Variants in STAG1 observed in about 807,000 individuals in gnomAD.
STAG1 encodes cohesin subunit SA-1.
Under a neutral mutation model 170.9 loss-of-function variants are expected in STAG1, and 26 were observed. The observed-to-expected ratio is 0.15, with a 90% CI of 0.11 to 0.21. STAG1 has a LOEUF of 0.21. Ranked by LOEUF, STAG1 falls within the 10% of genes least tolerant of loss-of-function variation. STAG1 has a pLI of 1.00. For missense variants in STAG1, 964 were observed against 1,509.5 expected, an observed-to-expected ratio of 0.64 and a Z score of 5.99; for synonymous variants, 514 against 497.7, an observed-to-expected ratio of 1.03 and a Z score of -0.44.
chr3:136,401,567 T>C (rs1258107749), intron 21 of STAG1, among the ~76,000 whole-genome samples: 1 of 152,174 alleles, frequency 6.6e-6, no homozygotes, highest in Non-Finnish European at 1.5e-5. Context: ...TTCTATTACA[T>C]ATGGGTAGTG....
At chr3:136,498,210 T>TTATATATATATATATATATATATATA (rs374645920) in intron 9 of STAG1, among the ~76,000 whole-genome samples, 5 of 50,832 alleles carry the variant, frequency 9.8e-5, no homozygotes, top group Non-Finnish European at 1.2e-4. Context: ...AAAAAAAAAA[T>TTATATATATATATATATATATATATA]TATATATATA....
chr3:136,591,476 C>T (rs973644274), intron 4 of STAG1: 9 of 376,864 alleles, frequency 2.4e-5, no homozygotes, highest in Non-Finnish European at 4.2e-5. Context: ...AGGCTCAGGC[C>T]GGGGAGGATC....
At position 136,452,082 on chromosome 3, in the gene STAG1, G is replaced by A. The variant is rs937154623; in HGVS notation, c.1379C>T (p.Pro460Leu). Reference protein sequence around the residue: ...ALAKRRGRNSPNGNLIRMLVL... With the variant: ...ALAKRRGRNSLNGNLIRMLVL... ...CAGCATCCTAATGAGGTTTCCATTCGGGCTGTTTCTTCCCCTCCTCTTTGC... is the reference window on the plus strand; with the variant it reads ...CAGCATCCTAATGAGGTTTCCATTCAGGCTGTTTCTTCCCCTCCTCTTTGC... The change falls in exon 14 of 34, where the codon CCG becomes CTG. Residue 460 changes from proline to leucine, a missense_variant. Pro to Leu is a moderately conservative substitution (Grantham distance 98). Transcript: ENST00000383202. 6 of 1,613,144 alleles carry A rather than the reference G, an allele frequency of 3.7e-6. No homozygotes were observed. Among genetic ancestry groups the A allele is most frequent in the South Asian group, 1.1e-5 (1 of 91,036 alleles).
At chr3:136,488,967 A>G (rs2090070327) in intron 9 of STAG1, among the ~76,000 whole-genome samples, 1 of 152,220 alleles carries the variant, frequency 6.6e-6, no homozygotes, top group African/African-American at 2.4e-5. Flanking sequence ...CATCCAAAGC[A>G]AAGAGTAATG....
intron 23 of STAG1, among the ~76,000 whole-genome samples, chr3:136,375,866 A>G (rs1340141544): frequency 2.6e-5 from 4 of 151,732 alleles, no homozygotes; most frequent in Admixed American, 6.6e-5. Context: ...GATACTTGGG[A>G]GGCTGAGACA....
chr3:136,518,848 T>C (rs1473182578), intron 7 of STAG1, among the ~76,000 whole-genome samples: 1 of 152,032 alleles, frequency 6.6e-6, no homozygotes, highest in Non-Finnish European at 1.5e-5. Context: ...ATCACATTCA[T>C]CAAGTAGTTT....
At chr3:136,710,628 C>T (rs1943358093) in intron 1 of STAG1, among the ~76,000 whole-genome samples, 1 of 152,106 alleles carries the variant, frequency 6.6e-6, no homozygotes, top group South Asian at 2.1e-4. Flanking sequence ...CCCCTCCCCC[C>T]TCCAACCATC....
At chr3:136,338,928 AC>A (rs541902895) in intron 32 of STAG1, among the ~76,000 whole-genome samples, 304 of 152,362 alleles carry the variant, frequency 2.0e-3, no homozygotes, top group Non-Finnish European at 3.2e-3. Flanking sequence ...TGGAAAATTC[AC>A]AACATACAAA....
In STAG1 at chr3:136,472,478, T is replaced by C. The variant is rs1482720814; in HGVS notation, c.1140A>G (p.Ser380=). ...FTNRFKDRIV[S]MTLDKEYDVA... Reference sequence around the variant, plus strand: ...CATCATATTCTTTATCAAGTGTCATTGATACAATGCGATCCTGAGAAAAAA... The same window carrying C: ...CATCATATTCTTTATCAAGTGTCATCGATACAATGCGATCCTGAGAAAAAA... The change falls in exon 12 of 34, where the codon TCA becomes TCG. Residue 380 remains serine, a synonymous_variant. Coordinates refer to ENST00000383202, the MANE Select transcript of STAG1 (RefSeq NM_005862.3). 1 of 1,612,446 alleles carries C rather than the reference T, an allele frequency of 6.2e-7. No individual in the cohort carries two copies.
chr3:136,576,710 C>G (rs1389144642), intron 4 of STAG1, among the ~76,000 whole-genome samples: 1 of 152,048 alleles, frequency 6.6e-6, no homozygotes, highest in African/African-American at 2.4e-5. Context: ...GCCTAAGCTC[C>G]CTGTAAGGTA....
intron 4 of STAG1, among the ~76,000 whole-genome samples, chr3:136,591,252 GA>G (rs1286691669): frequency 7.4e-6 from 1 of 135,966 alleles, no homozygotes; most frequent in Non-Finnish European, 1.6e-5. Context: ...AGGGAGGGAG[GA>G]AGGGAGGAGG....
chr3:136,596,433 T>A (rs1001418103), intron 4 of STAG1, among the ~76,000 whole-genome samples: 1 of 152,088 alleles, frequency 6.6e-6, no homozygotes, highest in Non-Finnish European at 1.5e-5. Context: ...TCAGACATAA[T>A]AATATTGCAC....
intron 28 of STAG1, among the ~76,000 whole-genome samples, chr3:136,353,183 A>AT (rs1936502641): frequency 6.6e-6 from 1 of 152,234 alleles, no homozygotes; most frequent in Non-Finnish European, 1.5e-5. Context: ...GAGAGAAAAA[A>AT]GAATAAAGAA....
chr3:136,489,007 G>C (rs549293297), intron 9 of STAG1, among the ~76,000 whole-genome samples: 1 of 152,116 alleles, frequency 6.6e-6, no homozygotes, highest in African/African-American at 2.4e-5. Flanking sequence ...TAAGACAAGA[G>C]GAAAGGAATA....
At chr3:136,640,393 G>C (rs1329742028) in intron 1 of STAG1, among the ~76,000 whole-genome samples, 1 of 149,352 alleles carries the variant, frequency 6.7e-6, no homozygotes, top group Non-Finnish European at 1.5e-5. Flanking sequence ...TTTTGAGACG[G>C]AGTCTCGCTC....
chr3:136,719,009 A>G lies in STAG1; in HGVS notation c.-84+33186T>C, dbSNP rs117259163. 1.2e-3 allele frequency among the ~76,000 whole-genome samples: 178 copies of G among 152,300 alleles called. 4 individuals carry two copies. The East Asian group carries it at 0.034, about 29-fold the overall frequency. ...ATTTAGCGGTTTCTTAAAATATTAAACATAAATTTACTACATGACCGAGCA... is the reference window on the plus strand; with the variant it reads ...ATTTAGCGGTTTCTTAAAATATTAAGCATAAATTTACTACATGACCGAGCA... On this transcript the variant is annotated intron_variant, in intron 1 of 33. Coordinates refer to ENST00000383202, the MANE Select transcript of STAG1 (RefSeq NM_005862.3).
intron 1 of STAG1, among the ~76,000 whole-genome samples, chr3:136,735,933 C>T (rs538815819): frequency 6.6e-6 from 1 of 152,186 alleles, no homozygotes; most frequent in African/African-American, 2.4e-5. Flanking sequence ...TCATGCCACG[C>T]TGATTGGTCA....
At chr3:136,417,857 T>A in intron 21 of STAG1, 28 bp downstream of exon 21, 1 of 1,565,896 alleles carries the variant, frequency 6.4e-7, no homozygotes, top group Non-Finnish European at 8.8e-7. Context: ...TCTAGAGTCA[T>A]ACAGAAGGAA....
chr3:136,510,620 T>G (rs1411640093), intron 7 of STAG1, among the ~76,000 whole-genome samples: 1 of 148,916 alleles, frequency 6.7e-6, no homozygotes, highest in Non-Finnish European at 1.5e-5. Flanking sequence ...TTTGTTTTTT[T>G]TTTTTTTTGA....
Sources: gnomAD v4.1 joint callset for allele counts (sites outside exome capture counted in the v4.1 genomes callset) on GRCh38, gnomAD v4.1.1 for gene constraint, MANE v1.5 for transcripts, NCBI Gene and HGNC (gene_info 2026-07-23, HGNC 2026-07-21) for gene names.